AJAP1: variants seen among roughly 807,000 people sequenced by gnomAD.
AJAP1 encodes adherens junction-associated protein 1.
AJAP1 carries 5 observed loss-of-function variants against 35.0 expected under a neutral mutation model. That is an observed-to-expected ratio of 0.14 (90% CI 0.07 to 0.30). AJAP1 has a LOEUF of 0.30. Among genes scored for constraint, AJAP1 ranks in the 10% least tolerant of loss-of-function variants. The pLI, the probability that AJAP1 is intolerant of heterozygous loss-of-function variation, is 1.00. For synonymous variants in AJAP1, 284 were observed against 249.3 expected (o/e 1.14, Z -1.31); for missense variants, 586 against 571.0 (o/e 1.03, Z -0.27).
chr1:4,712,632 G>T lies in AJAP1; in HGVS notation c.762G>T (p.Glu254Asp), dbSNP rs1338664397. 7.0e-6 allele frequency: 11 copies of T among 1,567,354 alleles called. No individual in the cohort carries two copies. Among genetic ancestry groups the T allele is most frequent in the Non-Finnish European group, 9.5e-6 (11 of 1,151,864 alleles). Reference protein sequence around the residue: ...RRIPGGVSTTEPSTSPSNNGE... With the variant: ...RRIPGGVSTTDPSTSPSNNGE... The stretch of plus-strand genomic sequence containing the variant: ...TCCCAGGTGGGGTTAGCACAACGGA[G>T]CCTTCCACCAGTCCCAGCAACAACG... Residue 254 changes from glutamate (E) to aspartate (D), a missense_variant, in exon 2 of 6, where the codon GAG (glutamate) becomes GAT (aspartate). By Grantham distance (45) the Glu-to-Asp change is conservative. Transcript: ENST00000378191.
chr1:4,710,047 C>T (rs765266979), intron 1 of AJAP1, among the ~76,000 whole-genome samples: 26 of 152,152 alleles, frequency 1.7e-4, no homozygotes, highest in Admixed American at 7.2e-4. Flanking sequence ...TACACAGACA[C>T]ACACAGACAC....
At chr1:4,764,322 C>G (rs1641635142) in intron 2 of AJAP1, among the ~76,000 whole-genome samples, 1 of 152,122 alleles carries the variant, frequency 6.6e-6, no homozygotes, top group Admixed American at 6.5e-5. Flanking sequence ...TGTGAGCATC[C>G]CAGTTTTGGA....
chr1:4,716,546 GGATGATGATGAGGAT>G, intron 2 of AJAP1, among the ~76,000 whole-genome samples: 1 of 151,816 alleles, frequency 6.6e-6, no homozygotes, highest in African/African-American at 2.4e-5. Flanking sequence ...GTGATGATGG[GGATGATGATGAGGAT>G]GATGATGATG....
intron 1 of AJAP1, among the ~76,000 whole-genome samples, chr1:4,675,873 T>G (rs985520013): frequency 2.6e-4 from 39 of 152,212 alleles, no homozygotes; most frequent in Non-Finnish European, 4.6e-4. Context: ...AGAAGATGGA[T>G]GGTGAGTGGT....
chr1:4,776,650 A>G (rs1210759005), intron 5 of AJAP1, among the ~76,000 whole-genome samples: 1 of 152,228 alleles, frequency 6.6e-6, no homozygotes, highest in Admixed American at 6.5e-5. Flanking sequence ...TTCCAGCAGC[A>G]TGGGGCACTG....
chr1:4,763,404 T>C (rs1187895222), intron 2 of AJAP1, among the ~76,000 whole-genome samples: 1 of 152,210 alleles, frequency 6.6e-6, no homozygotes, highest in Non-Finnish European at 1.5e-5. Context: ...CCGGAAGGAC[T>C]TCCGACGAGA....
At chr1:4,709,232 G>T (rs1425887637) in intron 1 of AJAP1, among the ~76,000 whole-genome samples, 1 of 144,932 alleles carries the variant, frequency 6.9e-6, no homozygotes, top group Non-Finnish European at 1.5e-5. Flanking sequence ...GTGGGGGCTG[G>T]TGGGGCCTGG....
chr1:4,747,047 C>A (rs959310891), intron 2 of AJAP1, among the ~76,000 whole-genome samples: 5 of 152,208 alleles, frequency 3.3e-5, no homozygotes, highest in African/African-American at 1.2e-4. Context: ...TGTGGGAGAA[C>A]GCCACTGTCC....
intron 2 of AJAP1, among the ~76,000 whole-genome samples, chr1:4,735,114 T>C (rs1427383357): frequency 1.3e-5 from 2 of 152,210 alleles, no homozygotes; most frequent in African/African-American, 4.8e-5. Context: ...CTTCTACACC[T>C]GGGTGAGCTC....
chr1:4,717,909 C>G (rs1407865950), intron 2 of AJAP1, among the ~76,000 whole-genome samples: 4 of 152,182 alleles, frequency 2.6e-5, no homozygotes, highest in Non-Finnish European at 5.9e-5. Flanking sequence ...TGGGTGTTTG[C>G]TACCAGGGAA....
Position 4,722,917 on chromosome 1 carries a change from C to T in AJAP1, c.829+10218C>T, listed in dbSNP as rs111793908. ...GCAAGGTTCCAGGAGGCTTGGAGGC[C>T]GTCATGAGGATTTGGGGTTTATTCT... On this transcript the variant is annotated intron_variant, in intron 2 of 5. Coordinates refer to ENST00000378191, the MANE Select transcript of AJAP1 (RefSeq NM_018836.4). 1.0e-3 allele frequency among the ~76,000 whole-genome samples: 153 copies of T among 152,148 alleles called. 1 individual carries two copies. The highest frequency in any genetic ancestry group is 3.2e-3 in the African/African-American group (131 of 41,506).
At chr1:4,698,645 C>T (rs922086525) in intron 1 of AJAP1, among the ~76,000 whole-genome samples, 12 of 152,178 alleles carry the variant, frequency 7.9e-5, no homozygotes, top group African/African-American at 1.4e-4. Flanking sequence ...AGTGGTCATC[C>T]TTCCTCGGTG....
chr1:4,767,474 C>T (rs999605888), intron 2 of AJAP1, among the ~76,000 whole-genome samples: 1 of 151,786 alleles, frequency 6.6e-6, no homozygotes, highest in African/African-American at 2.4e-5. Flanking sequence ...CCATTATTAT[C>T]ACCATCTTCA....
chr1:4,695,670 G>A (rs926514423), intron 1 of AJAP1, among the ~76,000 whole-genome samples: 1 of 152,154 alleles, frequency 6.6e-6, no homozygotes, highest in Non-Finnish European at 1.5e-5. Flanking sequence ...CCGCTCCTGG[G>A]CCTGTAGATG....
intron 5 of AJAP1, among the ~76,000 whole-genome samples, chr1:4,775,750 C>A (rs555513511): frequency 1.9e-4 from 29 of 152,332 alleles, no homozygotes; most frequent in Admixed American, 1.6e-3. Flanking sequence ...ATATGGGAAC[C>A]GAGCTGCCCT....
At position 4,759,596 on chromosome 1, in the gene AJAP1, G is replaced by A. The variant is rs563946894; in HGVS notation, c.830-10257G>A. ...ACTGTTCTTTGAGGACCTTCTGTAC[G>A]GGGGCCTCTGGACTGGGTGCCTTCC... On this transcript the variant is annotated intron_variant, in intron 2 of 5. Coordinates refer to ENST00000378191, the MANE Select transcript of AJAP1 (RefSeq NM_018836.4). Among the ~76,000 whole-genome samples, 4 of 152,198 alleles carry A rather than the reference G, an allele frequency of 2.6e-5. No homozygotes were observed. In the South Asian group the frequency reaches 8.3e-4, roughly 32 times the overall value.
rs1638881550 is a variant in AJAP1, at chr1:4,656,347, C to T, written c.29+893C>T. Among the ~76,000 whole-genome samples, 1 of 152,218 alleles carries T rather than the reference C, an allele frequency of 6.6e-6. No individual in the cohort carries two copies. The highest frequency in any genetic ancestry group is 2.4e-5 in the African/African-American group (1 of 41,454). On this transcript the variant is annotated intron_variant, in intron 1 of 5. Coordinates refer to ENST00000378191, the MANE Select transcript of AJAP1 (RefSeq NM_018836.4). This position sits in a 1 kb window ranked among gnomAD's most constrained non-coding sequence, Gnocchi z 5.7. Reference sequence around the variant, plus strand: ...TTGCTGGGCAGGCTGCCTCTGAGCCCTCGCCCTCCTGCCGGGGCATTCACC... The same window carrying T: ...TTGCTGGGCAGGCTGCCTCTGAGCCTTCGCCCTCCTGCCGGGGCATTCACC...
chr1:4,669,307 A>C (rs1211059673), intron 1 of AJAP1, among the ~76,000 whole-genome samples: 1 of 152,218 alleles, frequency 6.6e-6, no homozygotes, highest in Non-Finnish European at 1.5e-5. Context: ...CAATTAATAC[A>C]TTCTTATACT....
intron 2 of AJAP1, among the ~76,000 whole-genome samples, chr1:4,735,348 G>C (rs1640895335): frequency 1.3e-5 from 2 of 152,196 alleles, no homozygotes; most frequent in Non-Finnish European, 2.9e-5. Flanking sequence ...GGGAGGGAGG[G>C]TGCGATGTGC....
Sources: allele counts gnomAD v4.1 joint callset (sites outside exome capture counted in the v4.1 genomes callset), GRCh38; gene constraint gnomAD v4.1.1; non-coding constraint Gnocchi (gnomAD v3.1); transcripts MANE v1.5; gene names NCBI Gene and HGNC (gene_info 2026-07-23, HGNC 2026-07-21).